DLL1: variants seen among roughly 807,000 people sequenced by gnomAD.
DLL1 encodes the protein delta like canonical Notch ligand 1.
A neutral mutation model predicts 75.1 loss-of-function variants in DLL1; 9 were observed. The observed-to-expected ratio is 0.12, with a 90% CI of 0.07 to 0.21. DLL1 has a LOEUF of 0.21. Among genes scored for constraint, DLL1 ranks in the 10% least tolerant of loss-of-function variants. DLL1 has a pLI of 1.00. For synonymous variants in DLL1, 477 were observed against 418.3 expected (o/e 1.14, Z -1.71); for missense variants, 837 against 1,007.6 (o/e 0.83, Z 2.29).
Position 170,288,302 on chromosome 6 carries a change from T to C in DLL1, c.607A>G (p.Thr203Ala), listed in dbSNP as rs768355515. 53 of 1,613,658 alleles carry C rather than the reference T, an allele frequency of 3.3e-5. No homozygotes were observed. The highest frequency in any genetic ancestry group is 4.0e-5 in the Non-Finnish European group (47 of 1,179,994). Reference protein sequence around the residue: ...RPRDDAFGHFTCGERGEKVCN... With the variant: ...RPRDDAFGHFACGERGEKVCN... Reference sequence around the variant, plus strand: ...ACTTTCTCCCCACGCTCCCCACAGGTGAAGTGGCCGAAGGCATCGTCCCGG... The same window carrying C: ...ACTTTCTCCCCACGCTCCCCACAGGCGAAGTGGCCGAAGGCATCGTCCCGG... Residue 203 changes from threonine to alanine, a missense_variant, in exon 4 of 11, where the codon ACC becomes GCC. By Grantham distance (58) the Thr-to-Ala change is moderately conservative (BLOSUM62 0). Around this residue, in one of 2 missense-constraint regions of DLL1, gnomAD observed 304 missense variants for 461.9 expected, o/e 0.66. Coordinates refer to ENST00000366756, the MANE Select transcript of DLL1 (RefSeq NM_005618.4).
intron 4 of DLL1, 153 bp downstream of exon 4, chr6:170,288,086 A>G: frequency 1.8e-6 from 2 of 1,087,004 alleles, no homozygotes; most frequent in Non-Finnish European, 2.7e-6. Context: ...ACGAGCTGTG[A>G]CTTATAGCAA....
chr6:170,290,695 G>T lies in DLL1; in HGVS notation c.-556C>A, dbSNP rs1783842923. ...GTGCGCGGCGGCCCCTGCGGATCGC[G>T]GCCCGGTGTCACTCGGCGGCGGCGG... On this transcript the variant is annotated 5_prime_UTR_variant, in exon 1 of 11. Coordinates refer to ENST00000366756, the MANE Select transcript of DLL1 (RefSeq NM_005618.4). This position sits in a 1 kb window ranked among gnomAD's most constrained non-coding sequence, Gnocchi z 4.7. The T allele has an allele frequency of 3.2e-5, 10 of 317,026 alleles. No individual in the cohort carries two copies. The South Asian group carries it at 3.8e-4, about 12-fold the overall frequency. 19.6% of individuals were successfully genotyped at this position (317,026 alleles called of 1,614,324 possible).
At position 170,283,396 on chromosome 6, in the gene DLL1, T is replaced by C; in HGVS notation, c.1883A>G (p.Asp628Gly). ...GTAGCGGGCCTTGAAGCCATTCTTG[T>C]CGGCGCTGTGGTCCCCGTGGAAGTC... is the stretch of plus-strand genomic sequence containing the variant. ...KADFHGDHSA[D>G]KNGFKARYPA... The change falls in exon 9 of 11, where the codon GAC becomes GGC. Residue 628 changes from aspartate (D) to glycine (G), a missense_variant. By Grantham distance (94) the Asp-to-Gly change is moderately conservative. This residue lies in a region of DLL1 where 533 missense variants were observed against 545.7 expected (regional missense o/e 0.98). Transcript: ENST00000366756. The C allele has an allele frequency of 6.2e-7, 1 of 1,611,402 alleles. No individual in the cohort carries two copies. Among genetic ancestry groups the C allele is most frequent in the Non-Finnish European group, 8.5e-7 (1 of 1,180,016 alleles).
Position 170,290,033 on chromosome 6 carries a change from C to T in DLL1, c.54+53G>A. On this transcript the variant is annotated intron_variant, in intron 1 of 10. Coordinates refer to ENST00000366756, the MANE Select transcript of DLL1 (RefSeq NM_005618.4). This position sits in a 1 kb window ranked among gnomAD's most constrained non-coding sequence, Gnocchi z 4.7. ...TCCCCGCGCGCTCCTGCCCCGCGCC[C>T]CGGCTACCCGTGAGACCCCGCGGGG... 2 of 1,529,004 alleles carry T rather than the reference C, an allele frequency of 1.3e-6. No homozygotes were observed. The highest frequency in any genetic ancestry group is 2.4e-5 in the South Asian group (2 of 84,058). 94.7% of individuals were successfully genotyped at this position (1,529,004 alleles called of 1,614,324 possible). A position where few individuals can be genotyped will look rare whatever the true frequency, so the allele number is the denominator to read the frequency against.
Position 170,285,302 on chromosome 6 carries a change from C to T in DLL1, c.984G>A (p.Gly328=). The T allele has an allele frequency of 6.2e-7, 1 of 1,614,186 alleles. No individual in the cohort carries two copies. The highest frequency in any genetic ancestry group is 8.5e-7 in the Non-Finnish European group (1 of 1,180,034). ...AAGGGCTGGGGTCACACTCGTCAATCCCCAGCTCGCAGGTGGCACCTGTGT... is the reference window on the plus strand; with the variant it reads ...AAGGGCTGGGGTCACACTCGTCAATTCCCAGCTCGCAGGTGGCACCTGTGT... ...PGYTGATCEL[G]IDECDPSPCK... The change falls in exon 7 of 11, where the codon GGG becomes GGA. Residue 328 remains glycine (G), a synonymous_variant. Transcript: ENST00000366756.
rs143891309 is a variant in DLL1, at chr6:170,285,013, G to A, written c.1155C>T (p.Pro385=). ...GGCAGCGGCAGCTGTACCCTCCATCGGGGCTGTCTGAGCACCGACCCCCGT... is the reference window on the plus strand; with the variant it reads ...GGCAGCGGCAGCTGTACCCTCCATCAGGGCTGTCTGAGCACCGACCCCCGT... ...CFNGGRCSDS[P]DGGYSCRCPV... Residue 385 remains proline (P), a synonymous_variant, in exon 8 of 11, where the codon CCC becomes CCT. Coordinates refer to ENST00000366756, the MANE Select transcript of DLL1 (RefSeq NM_005618.4). 94 of 1,614,088 alleles carry A rather than the reference G, an allele frequency of 5.8e-5. No homozygotes were observed. Among genetic ancestry groups the A allele is most frequent in the Middle Eastern group, 1.7e-4 (1 of 6,056 alleles).
rs1159470441 is a variant in DLL1 at position 170,285,061 on chromosome 6, G to A, written c.1107C>T (p.Thr369=). 1.4e-5 allele frequency: 22 copies of A among 1,614,050 alleles called. No individual in the cohort carries two copies. The highest frequency in any genetic ancestry group is 1.8e-5 in the Non-Finnish European group (21 of 1,180,036). Residue 369 remains threonine (T), a synonymous_variant, in exon 8 of 11, where the codon ACC becomes ACT. Transcript: ENST00000366756. ...YGKICELSAM[T]CADGPCFNGG... ...CGTTAAAGCAAGGGCCGTCCGCACA[G>A]GTCATGGCACTCAATTCACAGATTT...
rs916307129 is a variant in DLL1, at chr6:170,290,784, T to C, written c.-645A>G. 1 of 535,594 alleles carries C rather than the reference T, an allele frequency of 1.9e-6. No homozygotes were observed. Among genetic ancestry groups the C allele is most frequent in the South Asian group, 2.1e-5 (1 of 48,412 alleles). The allele number at this position is 535,594 out of a possible 1,614,324, so 33.2% of individuals were successfully genotyped here. On this transcript the variant is annotated 5_prime_UTR_variant, in exon 1 of 11. Transcript: ENST00000366756. The surrounding 1 kb of genome is among the most constrained non-coding windows in gnomAD (Gnocchi z 4.7). ...ACAGCAAAGATCCGCGTCTTTCCGA[T>C]GAATCCAGCCAATGCCATCCAGTAC...
At chr6:170,288,523 GT>G in intron 3 of DLL1, 27 bp from the exon 4 acceptor site, 3 of 1,614,122 alleles carry the variant, frequency 1.9e-6, no homozygotes, top group Non-Finnish European at 2.5e-6. Flanking sequence ...CTCCTGGTTG[GT>G]TCTGAACGAG....
intron 7 of DLL1, 24 bp from the exon 8 acceptor site, chr6:170,285,159 A>C: frequency 6.2e-7 from 1 of 1,613,842 alleles, no homozygotes; most frequent in Non-Finnish European, 8.5e-7. Context: ...AGGTCAGAAA[A>C]GGCTTTCCAA....
Position 170,283,729 on chromosome 6 carries a change from T to C in DLL1, c.1550A>G (p.Gln517Arg), listed in dbSNP as rs1783626514. Residue 517 changes from glutamine to arginine, a missense_variant, in exon 9 of 11, where the codon CAG (glutamine) becomes CGG (arginine). By Grantham distance (43) the Gln-to-Arg change is conservative (BLOSUM62 1). Transcript: ENST00000366756. ...CGGGGGCAGCTCGGGGAGCAGGAAC[T>C]GGCAGTTGGGACCCCCGTAGCCTCG... ...CARGYGGPNC[Q>R]FLLPELPPGP... 1 of 1,554,804 alleles carries C rather than the reference T, an allele frequency of 6.4e-7. No individual in the cohort carries two copies. Among genetic ancestry groups the C allele is most frequent in the African/African-American group, 1.4e-5 (1 of 73,538 alleles).
Position 170,283,414 on chromosome 6 carries a change from TG to T in DLL1, c.1864del (p.His622ThrfsTer98). 6.2e-7 allele frequency: 1 copy of T among 1,611,176 alleles called. No individual in the cohort carries two copies. Among genetic ancestry groups the T allele is most frequent in the Non-Finnish European group, 8.5e-7 (1 of 1,180,016 alleles). ...ATTCTTGTCGGCGCTGTGGTCCCCG[TG>T]GAAGTCCGCCTTCTTGTTGGTGTTC... is the stretch of plus-strand genomic sequence containing the variant. Reference protein sequence around the residue: ...IKNTNKKADFHGDHSADKNGF... With the variant: ...IKNTNKKADFXGDHSADKNGF... On this transcript the variant is annotated frameshift_variant, in exon 9 of 11. Transcript: ENST00000366756. LOFTEE classifies it high-confidence loss of function.
chr6:170,289,867 A>C, intron 1 of DLL1, 59 bp from the exon 2 acceptor site: 2 of 1,514,678 alleles, frequency 1.3e-6, no homozygotes, highest in South Asian at 2.5e-5. Context: ...AGGGGGCGTG[A>C]GGCCTGGGTG....
rs778443720 is a variant in DLL1, at chr6:170,283,449, C to T, written c.1830G>A (p.Thr610=). 9.4e-5 allele frequency: 152 copies of T among 1,612,286 alleles called. 1 individual carries two copies. In the East Asian group the frequency reaches 1.6e-3, roughly 17 times the overall value. The change falls in exon 9 of 11, where the codon ACG becomes ACA. Residue 610 remains threonine, a synonymous_variant. Transcript: ENST00000366756. ...CCTTCTTGTTGGTGTTCTTGATCTGCGTGGCCCCGATGATGCTGACTGAGA... is the reference window on the plus strand; with the variant it reads ...CCTTCTTGTTGGTGTTCTTGATCTGTGTGGCCCCGATGATGCTGACTGAGA... ...KDISVSIIGA[T]QIKNTNKKAD...
At position 170,290,577 on chromosome 6, in the gene DLL1, C is replaced by T. The variant is rs1423041592; in HGVS notation, c.-438G>A. ...GAGAGCTGCAGAGCTTCCTCCCGAGCCGATTAGAAAGCCGCGGTCTGGAAA... is the reference window on the plus strand; with the variant it reads ...GAGAGCTGCAGAGCTTCCTCCCGAGTCGATTAGAAAGCCGCGGTCTGGAAA... On this transcript the variant is annotated 5_prime_UTR_variant, in exon 1 of 11. Coordinates refer to ENST00000366756, the MANE Select transcript of DLL1 (RefSeq NM_005618.4). This position sits in a 1 kb window ranked among gnomAD's most constrained non-coding sequence, Gnocchi z 4.7. The T allele has an allele frequency of 1.2e-5, 3 of 245,060 alleles. No homozygotes were observed. The highest frequency in any genetic ancestry group is 1.2e-4 in the Admixed American group (2 of 16,674). 15.2% of individuals were successfully genotyped at this position (245,060 alleles called of 1,614,324 possible).
In DLL1 at chr6:170,288,515, C is replaced by G; in HGVS notation, c.413-19G>C. ...GGGTTTTCTACGGGGAGAAGATGCT[C>G]CTGGTTGGTTCTGAACGAGAACCCT... On this transcript the variant is annotated intron_variant, in intron 3 of 10. Coordinates refer to ENST00000366756, the MANE Select transcript of DLL1 (RefSeq NM_005618.4). 3.1e-6 allele frequency: 5 copies of G among 1,614,058 alleles called. No individual in the cohort carries two copies. Among genetic ancestry groups the G allele is most frequent in the Non-Finnish European group, 4.2e-6 (5 of 1,180,032 alleles).
Position 170,286,429 on chromosome 6 carries a change from G to A in DLL1, c.671-131C>T, listed in dbSNP as rs997480069. On this transcript the variant is annotated intron_variant, in intron 4 of 10. Transcript: ENST00000366756. ...CCAGCTGAGTTAATCTTCCCAGGTT[G>A]TGGAGGACTGACCCCCCTGCCTAGT... 5.3e-6 allele frequency: 6 copies of A among 1,132,086 alleles called. No individual in the cohort carries two copies. The African/African-American group carries it at 7.6e-5, about 14-fold the overall frequency. 70.1% of individuals were successfully genotyped at this position (1,132,086 alleles called of 1,614,324 possible).
chr6:170,283,127 T>A (rs1275110935), intron 9 of DLL1, 22 bp from the exon 10 acceptor site: 3 of 1,613,902 alleles, frequency 1.9e-6, no homozygotes, highest in Admixed American at 3.3e-5. Flanking sequence ...ATAGAGAAAA[T>A]CCACAATGAA....
intron 8 of DLL1, among the ~76,000 whole-genome samples, chr6:170,284,613 C>T (rs563182994): frequency 4.9e-4 from 74 of 152,256 alleles, no homozygotes; most frequent in South Asian, 8.3e-4. Context: ...CTGGAGTGGC[C>T]GGCACCTGTG....
Sources: allele counts gnomAD v4.1 joint callset (sites outside exome capture counted in the v4.1 genomes callset), GRCh38; gene constraint gnomAD v4.1.1; regional missense constraint gnomAD v4.1.1; non-coding constraint Gnocchi (gnomAD v3.1); transcripts MANE v1.5; gene names NCBI Gene and HGNC (gene_info 2026-07-23, HGNC 2026-07-21).